SGCD: variants seen among roughly 807,000 people sequenced by gnomAD.
SGCD encodes the protein delta-sarcoglycan.
SGCD carries 18 observed loss-of-function variants against 36.6 expected under a neutral mutation model. The observed-to-expected ratio is 0.49, with a 90% CI of 0.34 to 0.73. SGCD has a LOEUF of 0.73. Ranked by LOEUF, SGCD falls within the 30% of genes least tolerant of loss-of-function variation. The pLI is 0.01. For missense variants in SGCD, 387 were observed against 346.7 expected, an observed-to-expected ratio of 1.12 and a Z score of -0.92; for synonymous variants, 133 against 130.6, an observed-to-expected ratio of 1.02 and a Z score of -0.12.
chr5:156,578,947 C>T (rs1760109889), intron 4 of SGCD, among the ~76,000 whole-genome samples: 1 of 152,106 alleles, frequency 6.6e-6, no homozygotes, highest in South Asian at 2.1e-4. Context: ...TTATTTCTTG[C>T]CTTCTGCTAA....
intron 3 of SGCD, among the ~76,000 whole-genome samples, chr5:156,307,555 G>GAATTTTT (rs1767253644): frequency 2.4e-5 from 1 of 41,146 alleles, no homozygotes; most frequent in Non-Finnish European, 4.9e-5. Context: ...TTTAACTGTT[G>GAATTTTT]TTTTTTTTTT....
rs1250687528 is a variant in SGCD at position 156,077,990 on chromosome 5, C to G, written c.-281-39888C>G. ...CTCACTGTCACTTTAACTTTACTTT[C>G]TTATGTTACACATCTGGCAGTCTTT... On this transcript the variant is annotated intron_variant, in intron 1 of 9. Coordinates refer to the SGCD transcript ENST00000517913. 3.9e-5 allele frequency among the ~76,000 whole-genome samples: 6 copies of G among 152,106 alleles called. No homozygotes were observed. The South Asian group carries it at 1.2e-3, about 32-fold the overall frequency.
At position 156,762,838 on chromosome 5, in the gene SGCD, T is replaced by C. The variant is rs538736968; in HGVS notation, c.*3448T>C. The C allele has an allele frequency of 4.6e-5, 7 of 152,374 alleles. No individual in the cohort carries two copies. The highest frequency in any genetic ancestry group is 1.7e-4 in the African/African-American group (7 of 41,590). The allele number at this position is 152,374 out of a possible 1,614,324, so 9.4% of individuals were successfully genotyped here. A position where few individuals can be genotyped will look rare whatever the true frequency, so the allele number is the denominator to read the frequency against. Reference sequence around the variant, plus strand: ...CCCTGACCTAGAGGTTTTTGTGGTATGCATTGGATATAGCAGGAAAGAAAG... The same window carrying C: ...CCCTGACCTAGAGGTTTTTGTGGTACGCATTGGATATAGCAGGAAAGAAAG... On this transcript the variant is annotated 3_prime_UTR_variant, in exon 9 of 9. Transcript: ENST00000337851.
chr5:156,269,469 CAAAAAAAAAAAAAAAAAAAAAAAAAAA>C (rs60893052), intron 3 of SGCD, among the ~76,000 whole-genome samples: 4 of 30,466 alleles, frequency 1.3e-4, no homozygotes, highest in East Asian at 5.1e-3. Flanking sequence ...GACTCCGTCT[CAAAAAAAAAAAAAAAAAAAAAAAAAAA>C]AAAAAAAAAA....
At chr5:156,560,525 A>G (rs187099814) in intron 4 of SGCD, among the ~76,000 whole-genome samples, 266 of 152,304 alleles carry the variant, frequency 1.7e-3, no homozygotes, top group African/African-American at 5.8e-3. Context: ...TTATGTGGCA[A>G]TGAAGGAGGC....
intron 3 of SGCD, among the ~76,000 whole-genome samples, chr5:156,266,291 A>G (rs1280308462): frequency 6.6e-6 from 1 of 152,238 alleles, no homozygotes; most frequent in African/African-American, 2.4e-5. Context: ...GAATAATGCT[A>G]CAAATACAGC....
intron 3 of SGCD, among the ~76,000 whole-genome samples, chr5:156,224,103 T>C (rs986794609): frequency 6.6e-6 from 1 of 151,930 alleles, no homozygotes; most frequent in Non-Finnish European, 1.5e-5. Context: ...TGCTAAGTGT[T>C]TTATATGCCT....
At chr5:156,657,753 T>A (rs940272754) in intron 7 of SGCD, among the ~76,000 whole-genome samples, 1 of 150,638 alleles carries the variant, frequency 6.6e-6, no homozygotes, top group African/African-American at 2.4e-5. Flanking sequence ...TCTCGTAAGG[T>A]GGGACGAGAG....
At chr5:156,631,159 G>A (rs112226067) in intron 6 of SGCD, among the ~76,000 whole-genome samples, 16 of 152,186 alleles carry the variant, frequency 1.1e-4, no homozygotes, top group East Asian at 7.7e-4. Context: ...TTTTCATAAT[G>A]GGTCAGAAAG....
chr5:156,717,044 G>A (rs1021696129), intron 7 of SGCD, among the ~76,000 whole-genome samples: 1 of 152,212 alleles, frequency 6.6e-6, no homozygotes, highest in African/African-American at 2.4e-5. Context: ...TTCTCCTCAT[G>A]TGTGAAATTA....
At chr5:156,382,869 T>A (rs1309197552) in intron 3 of SGCD, among the ~76,000 whole-genome samples, 2 of 152,198 alleles carry the variant, frequency 1.3e-5, no homozygotes, top group Non-Finnish European at 2.9e-5. Context: ...CATTCCAGGT[T>A]TTTCCTTATT....
chr5:156,407,002 C>T (rs1404901639), intron 3 of SGCD, among the ~76,000 whole-genome samples: 2 of 151,562 alleles, frequency 1.3e-5, no homozygotes, highest in African/African-American at 2.4e-5. Context: ...GCATCCAGCA[C>T]GAGAGAAAGA....
chr5:155,837,054 G>A, the SGCD span, among the ~76,000 whole-genome samples: 1 of 152,098 alleles, frequency 6.6e-6, no homozygotes, highest in African/African-American at 2.4e-5. Flanking sequence ...GCATAAATGG[G>A]ATCATACTTC....
intron 3 of SGCD, among the ~76,000 whole-genome samples, chr5:156,436,259 C>T (rs1753241165): frequency 6.6e-6 from 1 of 152,210 alleles, no homozygotes; most frequent in Non-Finnish European, 1.5e-5. Flanking sequence ...CTTAGGTTAT[C>T]ACACACTATA....
chr5:156,468,490 A>G (rs1477599347), intron 3 of SGCD, among the ~76,000 whole-genome samples: 3 of 152,164 alleles, frequency 2.0e-5, no homozygotes, highest in Non-Finnish European at 4.4e-5. Flanking sequence ...TAAAAGTAGA[A>G]ATAATTATTG....
rs771143874 is a variant in SGCD, at chr5:156,159,474, T to TA, written c.-44+35463dup. ...ATATTATCTTTCTCTGAACCACTCA[T>TA]AAAAAAAACAAAACAAAACAAATAA... is the stretch of plus-strand genomic sequence containing the variant. On this transcript the variant is annotated intron_variant, in intron 3 of 9. Coordinates refer to the SGCD transcript ENST00000517913. Among the ~76,000 whole-genome samples the TA allele has an allele frequency of 1.4e-4, 21 of 151,184 alleles. 1 individual carries two copies. Among genetic ancestry groups the TA allele is most frequent in the African/African-American group, 2.7e-4 (11 of 40,880 alleles).
chr5:156,599,380 GA>G (rs5872475), intron 6 of SGCD, among the ~76,000 whole-genome samples: 11 of 148,908 alleles, frequency 7.4e-5, no homozygotes, highest in South Asian at 2.1e-4. Flanking sequence ...TATAGAAAAA[GA>G]AAAAAAAATG....
chr5:155,872,374 C>T (rs1040571454), intron 1 of SGCD, among the ~76,000 whole-genome samples: 3 of 151,816 alleles, frequency 2.0e-5, no homozygotes, highest in African/African-American at 7.3e-5. Context: ...CACACACACA[C>T]ACACACACAC....
chr5:155,732,246 G>A, the SGCD span, among the ~76,000 whole-genome samples: 3 of 152,200 alleles, frequency 2.0e-5, no homozygotes, highest in African/African-American at 7.2e-5. Context: ...CTGCATTTTA[G>A]CTGAGGAAAC....
Sources: allele counts gnomAD v4.1 joint callset (sites outside exome capture counted in the v4.1 genomes callset), GRCh38; gene constraint gnomAD v4.1.1; transcripts MANE v1.5; gene names NCBI Gene and HGNC (gene_info 2026-07-23, HGNC 2026-07-21).